NAA60: variants seen among roughly 807,000 people sequenced by gnomAD.
NAA60 encodes the protein N-alpha-acetyltransferase 60, NatF catalytic subunit, also known as N-alpha-acetyltransferase 60.
NAA60 carries 8 observed loss-of-function variants against 26.1 expected under a neutral mutation model. That is an observed-to-expected ratio of 0.31 (90% CI 0.18 to 0.55). The LOEUF (loss-of-function observed/expected upper bound fraction) is 0.55, where lower values mean the gene tolerates loss of function less well. Ranked by LOEUF, NAA60 falls within the 20% of genes least tolerant of loss-of-function variation. The pLI, the probability that NAA60 is intolerant of heterozygous loss-of-function variation, is 0.93. For missense variants in NAA60, 290 were observed against 311.3 expected (o/e 0.93, Z 0.51); for synonymous variants, 131 against 122.5 (o/e 1.07, Z -0.46).
At chr16:3,455,899 G>A (rs973225041) in intron 2 of NAA60, among the ~76,000 whole-genome samples, 3 of 151,698 alleles carry the variant, frequency 2.0e-5, no homozygotes, top group African/African-American at 7.3e-5. Flanking sequence ...TAGCGACGGG[G>A]TTTCACCATG....
chr16:3,453,218 G>A (rs189841010), intron 2 of NAA60, among the ~76,000 whole-genome samples: 1 of 152,190 alleles, frequency 6.6e-6, no homozygotes, highest in African/African-American at 2.4e-5. Flanking sequence ...GCAACATGGT[G>A]AAACCCTGTC....
intron 3 of NAA60, among the ~76,000 whole-genome samples, chr16:3,477,820 CT>C (rs1259467427): frequency 1.3e-5 from 2 of 152,194 alleles, no homozygotes; most frequent in African/African-American, 4.8e-5. Context: ...AATCCCAGCA[CT>C]TTGGGAGGCC....
chr16:3,463,652 T>C (rs1389572745), intron 2 of NAA60, among the ~76,000 whole-genome samples: 2 of 144,130 alleles, frequency 1.4e-5, no homozygotes, highest in Non-Finnish European at 3.0e-5. Flanking sequence ...ATCCTTTGAG[T>C]CCAGGAGTTG....
intron 2 of NAA60, among the ~76,000 whole-genome samples, chr16:3,461,639 A>G (rs1344359669): frequency 6.6e-6 from 1 of 152,210 alleles, no homozygotes; most frequent in Non-Finnish European, 1.5e-5. Context: ...AATAGCATGT[A>G]TTTTGTGCTT....
intron 2 of NAA60, chr16:3,458,288 G>C (rs2035123049): frequency 4.2e-6 from 3 of 708,934 alleles, no homozygotes; most frequent in Non-Finnish European, 5.2e-6. Context: ...AGCGCCCACC[G>C]GGTACGAGCG....
Position 3,476,417 on chromosome 16 carries a change from T to C in NAA60, c.110+80T>C, listed in dbSNP as rs2151004496. 3 of 1,204,602 alleles carry C rather than the reference T, an allele frequency of 2.5e-6. No individual in the cohort carries two copies. In the East Asian group the frequency reaches 7.5e-5, roughly 30 times the overall value. The allele number at this position is 1,204,602 out of a possible 1,614,324, so 74.6% of individuals were successfully genotyped here. A position where few individuals can be genotyped will look rare whatever the true frequency, so the allele number is the denominator to read the frequency against. ...GCTGGGCGGCGGGGGTGGGGGCCTC[T>C]TGGGCCCTTAGGACCGTGCTGCAAA... On this transcript the variant is annotated intron_variant, in intron 3 of 7. Transcript: ENST00000407558.
intron 2 of NAA60, among the ~76,000 whole-genome samples, chr16:3,470,099 C>T (rs1003577365): frequency 1.3e-5 from 2 of 152,338 alleles, no homozygotes; most frequent in Non-Finnish European, 1.5e-5. Context: ...TTGCCATCTG[C>T]TGGAGGGCTT....
At chr16:3,451,284 A>G (rs1291850956) in intron 2 of NAA60, among the ~76,000 whole-genome samples, 1 of 152,228 alleles carries the variant, frequency 6.6e-6, no homozygotes, top group African/African-American at 2.4e-5. Flanking sequence ...GTCCATGTAA[A>G]TAATATCTCT....
chr16:3,460,198 G>T (rs2035290206), intron 2 of NAA60, among the ~76,000 whole-genome samples: 1 of 152,126 alleles, frequency 6.6e-6, no homozygotes, highest in Non-Finnish European at 1.5e-5. Flanking sequence ...CCATTTGCTT[G>T]GTGACATCTC....
intron 2 of NAA60, chr16:3,450,107 G>A: frequency 7.7e-6 from 3 of 391,766 alleles, no homozygotes; most frequent in East Asian, 3.6e-5. Context: ...AAAATATTTG[G>A]CTCCTGACTG....
chr16:3,485,362 T>C (rs1567405160), intron 7 of NAA60, 105 bp from the exon 8 acceptor site: 1 of 475,880 alleles, frequency 2.1e-6, no homozygotes, highest in Non-Finnish European at 4.2e-6. Context: ...GGGCTCATGC[T>C]CCTGGAGCAC....
chr16:3,448,054 C>T (rs1335418644), intron 1 of NAA60, among the ~76,000 whole-genome samples: 1 of 152,000 alleles, frequency 6.6e-6, no homozygotes, highest in Non-Finnish European at 1.5e-5. Context: ...ACCAAAGACT[C>T]CTGGAGGGTA....
chr16:3,461,892 G>A (rs250626), intron 2 of NAA60, among the ~76,000 whole-genome samples: 60,401 of 151,738 alleles, frequency 0.4, 12,954 homozygotes, highest in African/African-American at 0.57. Context: ...GTTCGAGAGC[G>A]GCCTGGGCAA....
chr16:3,448,332 A>T, intron 1 of NAA60, 139 bp from the exon 2 acceptor site: 2 of 545,260 alleles, frequency 3.7e-6, no homozygotes, highest in Non-Finnish European at 6.4e-6. Context: ...ACATGTTTAG[A>T]TAGTTAATTT....
chr16:3,451,279 T>C (rs1369729402), intron 2 of NAA60, among the ~76,000 whole-genome samples: 2 of 152,232 alleles, frequency 1.3e-5, no homozygotes, highest in African/African-American at 4.8e-5. Context: ...TACTTGTCCA[T>C]GTAAATAATA....
intron 2 of NAA60, among the ~76,000 whole-genome samples, chr16:3,469,413 C>T (rs1238228579): frequency 1.4e-5 from 2 of 146,946 alleles, no homozygotes; most frequent in Non-Finnish European, 3.0e-5. Flanking sequence ...CTTTGCCTTG[C>T]TGCTCCCCCC....
chr16:3,459,540 G>A (rs1180676354), intron 2 of NAA60, among the ~76,000 whole-genome samples: 1 of 152,194 alleles, frequency 6.6e-6, no homozygotes, highest in African/African-American at 2.4e-5. Flanking sequence ...AGCAGTGAAG[G>A]CTAGTCTTCA....
chr16:3,465,944 C>G (rs1332739775), intron 2 of NAA60, among the ~76,000 whole-genome samples: 2 of 152,196 alleles, frequency 1.3e-5, no homozygotes, highest in East Asian at 1.9e-4. Flanking sequence ...TAAGGCGTGA[C>G]AGAACGTTCA....
chr16:3,478,564 G>A (rs925839783), intron 3 of NAA60, among the ~76,000 whole-genome samples: 9 of 152,314 alleles, frequency 5.9e-5, no homozygotes, highest in Non-Finnish European at 7.4e-5. Context: ...GGCTGGATTC[G>A]CCTGTTAATG....
Sources: allele counts gnomAD v4.1 joint callset (sites outside exome capture counted in the v4.1 genomes callset), GRCh38; gene constraint gnomAD v4.1.1; transcripts MANE v1.5; gene names NCBI Gene and HGNC (gene_info 2026-07-23, HGNC 2026-07-21).